DOK6: variants seen among roughly 807,000 people sequenced by gnomAD.
DOK6 encodes the protein docking protein 6, also known as downstream of tyrosine kinase 6.
Under a neutral mutation model 44.0 loss-of-function variants are expected in DOK6, and 22 were observed. The ratio of observed to expected loss-of-function variants is 0.50; its 90% CI spans 0.36 to 0.71. The LOEUF is 0.71. DOK6 is among the 30% of genes least tolerant of loss of function. DOK6 has a pLI of 0.00. For missense variants in DOK6, 340 were observed against 416.4 expected, an observed-to-expected ratio of 0.82 and a Z score of 1.60; for synonymous variants, 166 against 145.5, an observed-to-expected ratio of 1.14 and a Z score of -1.01.
At chr18:69,464,653 A>G (rs1979877358) in intron 1 of DOK6, among the ~76,000 whole-genome samples, 1 of 152,242 alleles carries the variant, frequency 6.6e-6, no homozygotes. Context: ...TCTGTAGCTA[A>G]AACACTGCGG....
chr18:69,562,361 C>G (rs575663703), intron 1 of DOK6, among the ~76,000 whole-genome samples: 61 of 152,068 alleles, frequency 4.0e-4, no homozygotes, highest in Middle Eastern at 6.8e-3. Flanking sequence ...GGCATTATTT[C>G]TGAGGGCTCT....
At chr18:69,406,519 C>A (rs879728329) in intron 1 of DOK6, among the ~76,000 whole-genome samples, 2 of 152,188 alleles carry the variant, frequency 1.3e-5, no homozygotes, top group African/African-American at 2.4e-5. Flanking sequence ...TCAAGATTCA[C>A]ATCTCAGTTT....
chr18:69,820,420 C>T (rs1230433081), intron 7 of DOK6, among the ~76,000 whole-genome samples: 1 of 152,178 alleles, frequency 6.6e-6, no homozygotes, highest in Non-Finnish European at 1.5e-5. Flanking sequence ...CACCAGTGGA[C>T]TTCAAGCAAG....
chr18:69,577,522 A>G (rs536659956), intron 2 of DOK6, among the ~76,000 whole-genome samples: 97 of 152,296 alleles, frequency 6.4e-4, no homozygotes, highest in African/African-American at 2.0e-3. Flanking sequence ...GGACAGTGAC[A>G]CCTCAATTCA....
intron 1 of DOK6, among the ~76,000 whole-genome samples, chr18:69,553,698 C>T (rs147427273): frequency 8.3e-4 from 126 of 152,326 alleles, no homozygotes; most frequent in Middle Eastern, 3.4e-3. Context: ...TGTCTCCCTT[C>T]AGAAGCCCCA....
chr18:69,604,317 A>T (rs1360987277), intron 3 of DOK6, among the ~76,000 whole-genome samples: 1 of 152,216 alleles, frequency 6.6e-6, no homozygotes, highest in Non-Finnish European at 1.5e-5. Flanking sequence ...CACACGCACA[A>T]GTCTGAAATG....
intron 4 of DOK6, among the ~76,000 whole-genome samples, chr18:69,684,530 T>C (rs560926503): frequency 4.6e-5 from 7 of 152,156 alleles, no homozygotes; most frequent in African/African-American, 1.7e-4. Flanking sequence ...TGGGGGAGAA[T>C]ACTGAATCCA....
intron 3 of DOK6, among the ~76,000 whole-genome samples, chr18:69,629,541 T>C (rs535146222): frequency 6.6e-6 from 1 of 152,362 alleles, no homozygotes; most frequent in East Asian, 1.9e-4. Flanking sequence ...TTTTCTAATG[T>C]TAATTTCTTT....
At chr18:69,455,778 C>G (rs1005980524) in intron 1 of DOK6, among the ~76,000 whole-genome samples, 2 of 152,090 alleles carry the variant, frequency 1.3e-5, no homozygotes, top group Non-Finnish European at 2.9e-5. Context: ...GTAAAATTAC[C>G]TACAGCTGTA....
At chr18:69,434,077 C>T (rs1356602723) in intron 1 of DOK6, among the ~76,000 whole-genome samples, 2 of 152,114 alleles carry the variant, frequency 1.3e-5, no homozygotes, top group African/African-American at 4.8e-5. Context: ...TTTTTAACTT[C>T]TCTTCCAAGC....
chr18:69,429,679 T>A (rs971154591), intron 1 of DOK6, among the ~76,000 whole-genome samples: 14 of 140,474 alleles, frequency 1.0e-4, no homozygotes, highest in African/African-American at 3.6e-4. Context: ...TTAATACAAC[T>A]CAAGGTCTTC....
intron 7 of DOK6, among the ~76,000 whole-genome samples, chr18:69,813,340 T>C (rs924619329): frequency 6.6e-6 from 1 of 152,136 alleles, no homozygotes; most frequent in East Asian, 1.9e-4. Context: ...GTTGAACGTA[T>C]GTCCTTATGG....
intron 3 of DOK6, among the ~76,000 whole-genome samples, chr18:69,620,742 G>A (rs765567107): frequency 6.6e-5 from 10 of 152,160 alleles, no homozygotes; most frequent in Non-Finnish European, 1.5e-4. Context: ...TAACGTACTT[G>A]TAAATTCAAA....
At chr18:69,409,424 T>C (rs1978297373) in intron 1 of DOK6, among the ~76,000 whole-genome samples, 1 of 152,244 alleles carries the variant, frequency 6.6e-6, no homozygotes, top group Non-Finnish European at 1.5e-5. Context: ...TGTTTATGTG[T>C]GTATGTATAT....
intron 1 of DOK6, among the ~76,000 whole-genome samples, chr18:69,412,088 C>A (rs565498901): frequency 6.6e-6 from 1 of 152,102 alleles, no homozygotes; most frequent in Non-Finnish European, 1.5e-5. Context: ...TGGTAGTTTT[C>A]GATGCCTTCG....
intron 5 of DOK6, among the ~76,000 whole-genome samples, chr18:69,736,466 ACATT>A (rs1568110643): frequency 2.0e-5 from 3 of 152,208 alleles, no homozygotes; most frequent in Admixed American, 6.5e-5. Flanking sequence ...AAGAAAAAAA[ACATT>A]CATTTTGTAC....
chr18:69,485,590 C>T (rs139410058), intron 1 of DOK6, among the ~76,000 whole-genome samples: 102 of 152,186 alleles, frequency 6.7e-4, no homozygotes, highest in African/African-American at 2.3e-3. Context: ...CCATTTTGTT[C>T]TAAGATCCTT....
chr18:69,614,326 T>A (rs1163447665), intron 3 of DOK6, among the ~76,000 whole-genome samples: 2 of 152,120 alleles, frequency 1.3e-5, no homozygotes, highest in East Asian at 1.9e-4. Flanking sequence ...AAAAAAATCA[T>A]CCTTGAATTC....
At chr18:69,795,575 TG>T (rs1274059799) in intron 7 of DOK6, among the ~76,000 whole-genome samples, 1 of 152,180 alleles carries the variant, frequency 6.6e-6, no homozygotes, top group African/African-American at 2.4e-5. Context: ...CATTGTTTAA[TG>T]TGAGAACAAG....
Sources: allele counts gnomAD v4.1 joint callset (sites outside exome capture counted in the v4.1 genomes callset), GRCh38; gene constraint gnomAD v4.1.1; transcripts MANE v1.5; gene names NCBI Gene and HGNC (gene_info 2026-07-23, HGNC 2026-07-21).